DLGAP1: variants seen among roughly 807,000 people sequenced by gnomAD.
DLGAP1 encodes the protein disks large-associated protein 1.
Under a neutral mutation model 90.8 loss-of-function variants are expected in DLGAP1, and 11 were observed. The observed-to-expected ratio is 0.12, with a 90% CI of 0.08 to 0.20. DLGAP1 has a LOEUF of 0.20. Ranked by LOEUF, DLGAP1 falls within the 10% of genes least tolerant of loss-of-function variation. The pLI is 1.00. For synonymous variants in DLGAP1, 558 were observed against 540.7 expected (o/e 1.03, Z -0.44); for missense variants, 1,050 against 1,333.8 (o/e 0.79, Z 3.31).
chr18:3,970,601 A>G lies in DLGAP1; in HGVS notation c.-73+34515T>C, dbSNP rs924091367. Among the ~76,000 whole-genome samples, 7 of 151,748 alleles carry G rather than the reference A, an allele frequency of 4.6e-5. No individual in the cohort carries two copies. In the East Asian group the frequency reaches 5.8e-4, roughly 12 times the overall value. On this transcript the variant is annotated intron_variant, in intron 3 of 12. Transcript: ENST00000315677. ...GTACATCTTCTAGAAAATCTAAAAA[A>G]TAAAGAGAAACAAAGAAGATAAACA...
At chr18:3,887,928 C>G (rs1000373078) in intron 3 of DLGAP1, among the ~76,000 whole-genome samples, 2 of 151,330 alleles carry the variant, frequency 1.3e-5, no homozygotes, top group African/African-American at 2.4e-5. Flanking sequence ...CTAACATGGT[C>G]AAACCCCGTC....
At chr18:4,257,973 ATGTGTGTGTG>A (rs10625642) in intron 1 of DLGAP1, among the ~76,000 whole-genome samples, 53 of 141,354 alleles carry the variant, frequency 3.7e-4, no homozygotes, top group Non-Finnish European at 5.6e-4. Flanking sequence ...AGTTATACAT[ATGTGTGTGTG>A]TGTGTGTGTG....
At chr18:3,901,867 A>G (rs996459253) in intron 3 of DLGAP1, among the ~76,000 whole-genome samples, 19 of 152,182 alleles carry the variant, frequency 1.2e-4, no homozygotes, top group Admixed American at 1.2e-3. Context: ...GAGAAGTCTA[A>G]TAGGAATGCC....
intron 7 of DLGAP1, among the ~76,000 whole-genome samples, chr18:3,687,756 A>T (rs907448772): frequency 4.6e-5 from 7 of 152,208 alleles, no homozygotes; most frequent in Non-Finnish European, 7.3e-5. Context: ...AAAATAAGCA[A>T]AACAAATTTT....
intron 1 of DLGAP1, among the ~76,000 whole-genome samples, chr18:4,281,717 C>T (rs1455405639): frequency 6.6e-6 from 1 of 152,108 alleles, no homozygotes; most frequent in South Asian, 2.1e-4. Context: ...CAGGCTTTCC[C>T]TCAAAAATAC....
intron 1 of DLGAP1, among the ~76,000 whole-genome samples, chr18:4,364,309 T>C (rs1036751872): frequency 5.5e-5 from 8 of 146,634 alleles, no homozygotes; most frequent in African/African-American, 1.5e-4. Flanking sequence ...TAATGCTAAA[T>C]GACGAGTTAA....
intron 11 of DLGAP1, among the ~76,000 whole-genome samples, chr18:3,502,911 CA>C (rs2050019838): frequency 6.6e-6 from 1 of 151,762 alleles, no homozygotes; most frequent in African/African-American, 2.4e-5. Context: ...AGGGTCTAAA[CA>C]TATGAAAAAT....
At chr18:3,811,705 A>G (rs2066852649) in intron 5 of DLGAP1, among the ~76,000 whole-genome samples, 1 of 152,344 alleles carries the variant, frequency 6.6e-6, no homozygotes, top group South Asian at 2.1e-4. Flanking sequence ...GAGCAGTAAA[A>G]GAAATATATG....
intron 7 of DLGAP1, among the ~76,000 whole-genome samples, chr18:3,639,551 T>A (rs1339496596): frequency 6.6e-6 from 1 of 151,678 alleles, no homozygotes; most frequent in East Asian, 1.9e-4. Context: ...TGTATGGGAA[T>A]CACAGCCCAT....
chr18:3,750,113 T>C (rs1032526519), intron 5 of DLGAP1, among the ~76,000 whole-genome samples: 3 of 152,216 alleles, frequency 2.0e-5, no homozygotes. Flanking sequence ...CTTTCGACCC[T>C]TGTCCCCTCC....
rs116000718 is a variant in DLGAP1, at chr18:3,526,462, C to T, written c.2479+7732G>A. 4.0e-3 allele frequency among the ~76,000 whole-genome samples: 609 copies of T among 152,300 alleles called. 6 individuals carry two copies. Among genetic ancestry groups the T allele is most frequent in the African/African-American group, 0.014 (574 of 41,542 alleles). ...CAGCCCCGCATTCGCTGCCAAGGGTCCCAAGCCTTCTAGGGGACTGAAGGC... is the reference window on the plus strand; with the variant it reads ...CAGCCCCGCATTCGCTGCCAAGGGTTCCAAGCCTTCTAGGGGACTGAAGGC... On this transcript the variant is annotated intron_variant, in intron 10 of 12. Coordinates refer to ENST00000315677, the MANE Select transcript of DLGAP1 (RefSeq NM_004746.4). This position sits in a 1 kb window ranked among gnomAD's most constrained non-coding sequence, Gnocchi z 4.7.
chr18:3,963,696 T>G (rs557213282), intron 3 of DLGAP1, among the ~76,000 whole-genome samples: 1 of 151,902 alleles, frequency 6.6e-6, no homozygotes, highest in South Asian at 2.1e-4. Context: ...TTGTTTCCAT[T>G]GCAAGTACCT....
At chr18:4,445,477 A>G (rs984285807) in intron 1 of DLGAP1, among the ~76,000 whole-genome samples, 4 of 120,648 alleles carry the variant, frequency 3.3e-5, no homozygotes, top group Non-Finnish European at 6.4e-5. Context: ...TCCCCAGAGT[A>G]TGATATTCCC....
At chr18:3,656,597 G>A (rs1387245148) in intron 7 of DLGAP1, among the ~76,000 whole-genome samples, 2 of 152,172 alleles carry the variant, frequency 1.3e-5, no homozygotes, top group Non-Finnish European at 2.9e-5. Context: ...GGGTGGTTGG[G>A]CCAGAGCCCT....
intron 7 of DLGAP1, among the ~76,000 whole-genome samples, chr18:3,609,951 G>A (rs527370329): frequency 1.3e-5 from 2 of 151,564 alleles, no homozygotes; most frequent in South Asian, 2.1e-4. Context: ...CCAGCTACTC[G>A]GGAGGCTGAG....
chr18:4,418,863 CA>C (rs71160964), intron 1 of DLGAP1, among the ~76,000 whole-genome samples: 136,020 of 150,848 alleles, frequency 0.9, 61,376 homozygotes, highest in East Asian at 1. Flanking sequence ...AAAAACAAAA[CA>C]AAAAAAAAAC....
chr18:4,034,001 T>C (rs2074844326), intron 2 of DLGAP1, among the ~76,000 whole-genome samples: 2 of 150,560 alleles, frequency 1.3e-5, no homozygotes, highest in Non-Finnish European at 3.0e-5. Context: ...CCTCCCAAAG[T>C]GCTGGGATGA....
intron 2 of DLGAP1, among the ~76,000 whole-genome samples, chr18:4,052,370 C>T (rs1408905245): frequency 6.6e-6 from 1 of 152,136 alleles, no homozygotes; most frequent in African/African-American, 2.4e-5. Context: ...GTCTTCTGCG[C>T]ACCCACAGGA....
chr18:3,786,365 G>A (rs2065450388), intron 5 of DLGAP1, among the ~76,000 whole-genome samples: 1 of 152,102 alleles, frequency 6.6e-6, no homozygotes, highest in Non-Finnish European at 1.5e-5. Flanking sequence ...CCCCTATGTA[G>A]TACTAGGAAA....
Sources: allele counts gnomAD v4.1 joint callset (sites outside exome capture counted in the v4.1 genomes callset), GRCh38; gene constraint gnomAD v4.1.1; non-coding constraint Gnocchi (gnomAD v3.1); transcripts MANE v1.5; gene names NCBI Gene and HGNC (gene_info 2026-07-23, HGNC 2026-07-21).